Variants in SREBF1 observed in about 807,000 individuals in gnomAD.
The protein encoded by SREBF1 is sterol regulatory element-binding protein 1.
Under a neutral mutation model 100.1 loss-of-function variants are expected in SREBF1, and 45 were observed. That is an observed-to-expected ratio of 0.45 (90% CI 0.35 to 0.58). SREBF1 has a LOEUF of 0.58. SREBF1 is among the 20% of genes least tolerant of loss of function. The pLI, the probability that SREBF1 is intolerant of heterozygous loss-of-function variation, is 0.00. For missense variants in SREBF1, 1,324 were observed against 1,539.4 expected (o/e 0.86, Z 2.34); for synonymous variants, 657 against 681.8 (o/e 0.96, Z 0.57).
intron 3 of SREBF1, 25 bp from the exon 4 acceptor site, chr17:17,819,479 T>G: frequency 6.2e-7 from 1 of 1,613,408 alleles, no homozygotes; most frequent in African/African-American, 1.3e-5. Context: ...GGCTTGGCTG[T>G]AAGCTGTGTG....
chr17:17,820,636 T>A, intron 1 of SREBF1, 115 bp from the exon 2 acceptor site: 1 of 1,197,944 alleles, frequency 8.3e-7, no homozygotes, highest in Non-Finnish European at 1.2e-6. Flanking sequence ...CACAGCTGTA[T>A]GTGTGGGCAA....
rs925898288 is a variant in SREBF1 at position 17,826,391 on chromosome 17, C to T, written c.92-5870G>A. Among the ~76,000 whole-genome samples the T allele has an allele frequency of 2.0e-5, 3 of 152,078 alleles. No individual in the cohort carries two copies. The South Asian group carries it at 6.2e-4, about 32-fold the overall frequency. ...AGAGCCTCTCTTGCCTCCCCTAGTCCCTGTCCTGGAAGCTGGGAGAGCTGG... is the reference window on the plus strand; with the variant it reads ...AGAGCCTCTCTTGCCTCCCCTAGTCTCTGTCCTGGAAGCTGGGAGAGCTGG... On this transcript the variant is annotated intron_variant, in intron 1 of 18. Coordinates refer to ENST00000261646, the MANE Select transcript of SREBF1 (RefSeq NM_004176.5).
chr17:17,814,760 G>A lies in SREBF1; in HGVS notation c.2603-13C>T. 1 of 1,611,604 alleles carries A rather than the reference G, an allele frequency of 6.2e-7. No individual in the cohort carries two copies. The highest frequency in any genetic ancestry group is 8.5e-7 in the Non-Finnish European group (1 of 1,179,510). ...ACCGGGTCTACGCCTGCAGAAGAGG[G>A]AGGGTCCCCTGAACCCTCAGTCACG... On this transcript the variant is annotated splice_polypyrimidine_tract_variant and intron_variant, in intron 14 of 18. Transcript: ENST00000261646.
At chr17:17,813,867 G>A in intron 16 of SREBF1, 98 bp from the exon 17 acceptor site, 1 of 1,253,806 alleles carries the variant, frequency 8.0e-7, no homozygotes, top group Non-Finnish European at 1.1e-6. Flanking sequence ...GGGCTGCACT[G>A]CCGAGGCACT....
chr17:17,836,913 C>T lies in SREBF1; in HGVS notation c.-96G>A, dbSNP rs990858469. On this transcript the variant is annotated 5_prime_UTR_variant, in exon 1 of 19. Transcript: ENST00000261646. ...CGCGGCCCCGGCTCTCAGTCGCCGCCGCCGCTCCGCGCGTTCGTGTCCTGC... is the reference window on the plus strand; with the variant it reads ...CGCGGCCCCGGCTCTCAGTCGCCGCTGCCGCTCCGCGCGTTCGTGTCCTGC... 3 of 1,162,544 alleles carry T rather than the reference C, an allele frequency of 2.6e-6. No individual in the cohort carries two copies. The highest frequency in any genetic ancestry group is 3.4e-6 in the Non-Finnish European group (3 of 873,286). The allele number at this position is 1,162,544 out of a possible 1,614,324, so 72.0% of individuals were successfully genotyped here.
chr17:17,812,942 C>A (rs2033076942), intron 18 of SREBF1, 91 bp from the exon 19 acceptor site: 1 of 1,241,728 alleles, frequency 8.1e-7, no homozygotes, highest in Non-Finnish European at 1.1e-6. Context: ...GCACCAGCCG[C>A]CTGTACCTGG....
intron 12 of SREBF1, 146 bp from the exon 13 acceptor site, chr17:17,815,475 C>T: frequency 3.0e-6 from 2 of 662,982 alleles, no homozygotes; most frequent in South Asian, 3.6e-5. Flanking sequence ...CTGCCAAGGA[C>T]AGGGGAAAGC....
At chr17:17,833,415 C>T (rs1441806738) in intron 1 of SREBF1, among the ~76,000 whole-genome samples, 29 of 82,048 alleles carry the variant, frequency 3.5e-4, no homozygotes, top group Non-Finnish European at 4.6e-4. Flanking sequence ...AGCAAGACTC[C>T]GTCTCAAAAA....
chr17:17,829,404 C>A (rs994254190), intron 1 of SREBF1, among the ~76,000 whole-genome samples: 3 of 151,740 alleles, frequency 2.0e-5, no homozygotes, highest in Admixed American at 2.0e-4. Flanking sequence ...CCCTTTACAA[C>A]CTTCCCTACA....
chr17:17,819,062 T>A lies in SREBF1; in HGVS notation c.1019A>T (p.Asn340Ile), dbSNP rs915947255. 1.2e-6 allele frequency: 2 copies of A among 1,613,926 alleles called. No homozygotes were observed. The highest frequency in any genetic ancestry group is 1.7e-6 in the Non-Finnish European group (2 of 1,180,054). ...ATCCTTGAGCTCAATGATTTTGTCA[T>A]TGATGGAGGAGCGGTAGCGCTTCTC... Reference protein sequence around the residue: ...AIEKRYRSSINDKIIELKDLV... With the variant: ...AIEKRYRSSIIDKIIELKDLV... Residue 340 changes from asparagine (N) to isoleucine (I), a missense_variant, in exon 5 of 19, where the codon AAT becomes ATT. By Grantham distance (149) the Asn-to-Ile change is moderately radical (BLOSUM62 -3). Transcript: ENST00000261646.
In SREBF1 at chr17:17,812,595, G is replaced by A. The variant is rs964862593; in HGVS notation, c.*27C>T. 6.4e-7 allele frequency: 1 copy of A among 1,571,586 alleles called. No individual in the cohort carries two copies. Among genetic ancestry groups the A allele is most frequent in the Admixed American group, 1.8e-5 (1 of 55,562 alleles). Reference sequence around the variant, plus strand: ...CACGGGACCAAAGTGGCTAGAGACAGGGGTGCTGAGGCCGGGGACACGGGG... The same window carrying A: ...CACGGGACCAAAGTGGCTAGAGACAAGGGTGCTGAGGCCGGGGACACGGGG... On this transcript the variant is annotated 3_prime_UTR_variant, in exon 19 of 19. Transcript: ENST00000261646.
intron 1 of SREBF1, among the ~76,000 whole-genome samples, chr17:17,822,867 G>A (rs556930711): frequency 1.3e-5 from 2 of 152,360 alleles, no homozygotes; most frequent in African/African-American, 4.8e-5. Flanking sequence ...GCTACTGCAG[G>A]AGGGGAATTT....
In SREBF1 at chr17:17,811,385, A is replaced by G. The variant is rs2032800255; in HGVS notation, c.*1237T>C. ...GATGTTTATTTTCCTTAAGAGTAAA[A>G]AACAGTCATTGCATTCAGAAAAAAA... On this transcript the variant is annotated 3_prime_UTR_variant, in exon 19 of 19. Coordinates refer to ENST00000261646, the MANE Select transcript of SREBF1 (RefSeq NM_004176.5). 4.2e-6 allele frequency: 1 copy of G among 238,800 alleles called. No individual in the cohort carries two copies. The allele number at this position is 238,800 out of a possible 1,614,324, so 14.8% of individuals were successfully genotyped here.
rs995645649 is a variant in SREBF1, at chr17:17,836,804, G to A, written c.14C>T (p.Pro5Leu). ...CTGCTCCAAAGCCGCCTCGCTGAAGGGTGGCTCGTCCATGGCGCAGCCGCC... is the reference window on the plus strand; with the variant it reads ...CTGCTCCAAAGCCGCCTCGCTGAAGAGTGGCTCGTCCATGGCGCAGCCGCC... MDEP[P>L]FSEAALEQAL... is the part of the protein sequence containing the mutation. Residue 5 changes from proline (P) to leucine (L), a missense_variant, in exon 1 of 19, where the codon CCC becomes CTC. By Grantham distance (98) the Pro-to-Leu change is moderately conservative. Coordinates refer to ENST00000261646, the MANE Select transcript of SREBF1 (RefSeq NM_004176.5). The A allele has an allele frequency of 1.3e-6, 2 of 1,541,988 alleles. No individual in the cohort carries two copies. Among genetic ancestry groups the A allele is most frequent in the South Asian group, 2.4e-5 (2 of 84,226 alleles).
intron 1 of SREBF1, among the ~76,000 whole-genome samples, chr17:17,834,521 A>G (rs2035105719): frequency 6.6e-6 from 1 of 152,270 alleles, no homozygotes; most frequent in African/African-American, 2.4e-5. Context: ...TGAAGTGGGT[A>G]AAGCTGAGCC....
chr17:17,820,412 G>T lies in SREBF1; in HGVS notation c.201C>A (p.Ser67Arg). The T allele has an allele frequency of 1.2e-6, 2 of 1,613,046 alleles. No individual in the cohort carries two copies. Among genetic ancestry groups the T allele is most frequent in the African/African-American group, 2.7e-5 (2 of 75,032 alleles). ...GAGGTGGAGACAAGCTGCCTGGGGA[G>T]CTGGTATCGGGGCTGGCAGGGTCTG... ...GGTDPASPDT[S>R]SPGSLSPPPA... is the part of the protein sequence containing the mutation. Residue 67 changes from serine (S) to arginine (R), a missense_variant, in exon 2 of 19, where the codon AGC becomes AGA. Ser to Arg is a moderately radical substitution (Grantham distance 110). Transcript: ENST00000261646.
At chr17:17,829,205 A>AATATATATAT (rs71155305) in intron 1 of SREBF1, among the ~76,000 whole-genome samples, 20 of 65,784 alleles carry the variant, frequency 3.0e-4, no homozygotes, top group African/African-American at 1.5e-3. Flanking sequence ...AAAAAAAAAA[A>AATATATATAT]ATATATATAT....
intron 13 of SREBF1, 56 bp from the exon 14 acceptor site, chr17:17,815,000 C>A (rs567599251): frequency 1.4e-6 from 2 of 1,478,264 alleles, no homozygotes; most frequent in African/African-American, 2.8e-5. Context: ...TAGGAGGGTG[C>A]TCCCCACCTG....
chr17:17,812,533 C>T lies in SREBF1; in HGVS notation c.*89G>A, dbSNP rs1170787759. The stretch of plus-strand genomic sequence containing the variant: ...TGGAGGCCAGAGTCTCTTGCACTGC[C>T]TTCGGCCTTCAAAGCTTCGACGCAG... On this transcript the variant is annotated 3_prime_UTR_variant, in exon 19 of 19. Coordinates refer to ENST00000261646, the MANE Select transcript of SREBF1 (RefSeq NM_004176.5). 13 of 1,368,450 alleles carry T rather than the reference C, an allele frequency of 9.5e-6. No individual in the cohort carries two copies. The Admixed American group carries it at 1.4e-4, about 15-fold the overall frequency. The allele number at this position is 1,368,450 out of a possible 1,614,324, so 84.8% of individuals were successfully genotyped here.
Sources: allele counts gnomAD v4.1 joint callset (sites outside exome capture counted in the v4.1 genomes callset), GRCh38; gene constraint gnomAD v4.1.1; transcripts MANE v1.5; gene names NCBI Gene and HGNC (gene_info 2026-07-23, HGNC 2026-07-21).